Variants in PATJ observed in about 807,000 individuals in gnomAD.
PATJ encodes PATJ crumbs cell polarity complex component.
Under a neutral mutation model 224.9 loss-of-function variants are expected in PATJ, and 190 were observed. That is an observed-to-expected ratio of 0.84 (90% confidence interval 0.75 to 0.95). PATJ has a LOEUF of 0.95. PATJ is among the 40% of genes least tolerant of loss of function. The probability of loss-of-function intolerance (pLI) is 0.00; values close to 1 mark genes in which losing one functional copy is unlikely to be tolerated. For missense variants in PATJ, 2,121 were observed against 2,270.3 expected (o/e 0.93, Z 1.34); for synonymous variants, 769 against 820.3 (o/e 0.94, Z 1.07).
intron 27 of PATJ, among the ~76,000 whole-genome samples, chr1:61,969,744 A>T (rs1682679198): frequency 6.6e-6 from 1 of 152,058 alleles, no homozygotes; most frequent in Non-Finnish European, 1.5e-5. Flanking sequence ...CTCAGGCTGG[A>T]GTGCAGTGGT....
chr1:61,918,772 T>A (rs1204030846), intron 26 of PATJ, among the ~76,000 whole-genome samples: 1 of 152,036 alleles, frequency 6.6e-6, no homozygotes, highest in African/African-American at 2.4e-5. Flanking sequence ...AAGACCAGCC[T>A]GGGCAACCTG....
chr1:62,038,784 T>C (rs1480763290), intron 30 of PATJ: 1 of 530,290 alleles, frequency 1.9e-6, no homozygotes, highest in Admixed American at 2.7e-5. Context: ...CAATACACAT[T>C]ATTTTTATTC....
At position 61,912,684 on chromosome 1, in the gene PATJ, GAGGGGAGGGA is replaced by G. The variant is rs1352132119; in HGVS notation, c.3493-1900_3493-1891del. On this transcript the variant is annotated intron_variant, in intron 25 of 43. Transcript: ENST00000642238. ...AGGAAGGGAGGGAGGGAGGGGAGGG[GAGGGGAGGGA>G]AGAGGGGAGGGGAAGGTAGAGAGGA... 3.2e-5 allele frequency among the ~76,000 whole-genome samples: 4 copies of G among 125,942 alleles called. No individual in the cohort carries two copies. In the East Asian group the frequency reaches 8.6e-4, roughly 27 times the overall value. 82.6% of individuals were successfully genotyped at this position (125,942 alleles called of 152,430 possible).
rs140330633 is a variant in PATJ, at chr1:61,775,301, G to A, written c.816G>A (p.Val272=). ...GAGGAAAAACAAGTGGCGTGGTTGTGAGGACTATAGTTCCTGGAGGATTAG... is the reference window on the plus strand; with the variant it reads ...GAGGAAAAACAAGTGGCGTGGTTGTAAGGACTATAGTTCCTGGAGGATTAG... ...IVGGKTSGVV[V]RTIVPGGLAD... is the part of the protein sequence containing the mutation. Residue 272 remains valine, a synonymous_variant, in exon 7 of 44, where the codon GTG becomes GTA. Transcript: ENST00000642238. 426 of 1,613,768 alleles carry A rather than the reference G, an allele frequency of 2.6e-4. 2 individuals are homozygous for A. The highest frequency in any genetic ancestry group is 5.1e-5 in the Non-Finnish European group (60 of 1,179,894).
intron 4 of PATJ, among the ~76,000 whole-genome samples, chr1:61,768,645 A>G (rs1646430514): frequency 6.6e-6 from 1 of 151,994 alleles, no homozygotes; most frequent in South Asian, 2.1e-4. Flanking sequence ...CACGTCTGTA[A>G]TCCCAGCAAT....
intron 28 of PATJ, among the ~76,000 whole-genome samples, chr1:62,005,621 G>A (rs1282558647): frequency 2.0e-5 from 3 of 152,022 alleles, no homozygotes; most frequent in African/African-American, 7.2e-5. Flanking sequence ...AGCCAGGCGT[G>A]GTGGCACACA....
At chr1:62,054,043 C>T (rs912864255) in intron 31 of PATJ, among the ~76,000 whole-genome samples, 2 of 152,084 alleles carry the variant, frequency 1.3e-5, no homozygotes, top group Non-Finnish European at 2.9e-5. Context: ...TGGATTGAAT[C>T]ATATGAAATT....
intron 42 of PATJ, among the ~76,000 whole-genome samples, chr1:62,150,686 A>G (rs1219585191): frequency 6.9e-6 from 1 of 144,576 alleles, no homozygotes; most frequent in East Asian, 1.9e-4. Context: ...CAAGAAAAAA[A>G]AAAAAAAAAA....
chr1:61,912,556 T>C (rs2149221219), intron 25 of PATJ, among the ~76,000 whole-genome samples: 1 of 150,914 alleles, frequency 6.6e-6, no homozygotes, highest in South Asian at 2.1e-4. Flanking sequence ...TGCACTGCAG[T>C]GGCCACTGCA....
intron 33 of PATJ, among the ~76,000 whole-genome samples, chr1:62,107,882 A>G (rs1396569956): frequency 6.6e-6 from 1 of 152,208 alleles, no homozygotes; most frequent in African/African-American, 2.4e-5. Context: ...TAATTGCCCA[A>G]GATTACAAGA....
intron 31 of PATJ, among the ~76,000 whole-genome samples, chr1:62,060,611 G>A (rs1655264484): frequency 6.6e-6 from 1 of 152,096 alleles, no homozygotes; most frequent in South Asian, 2.1e-4. Flanking sequence ...CTTGATGGGT[G>A]AAAATAGGGT....
intron 29 of PATJ, among the ~76,000 whole-genome samples, chr1:62,035,429 A>G (rs901376645): frequency 1.3e-5 from 2 of 152,144 alleles, no homozygotes; most frequent in South Asian, 2.1e-4. Context: ...AAAGTAACCA[A>G]TTTAGGATTC....
chr1:61,811,008 G>T (rs1327095001), intron 14 of PATJ, among the ~76,000 whole-genome samples: 1 of 152,122 alleles, frequency 6.6e-6, no homozygotes, highest in Non-Finnish European at 1.5e-5. Flanking sequence ...GAACCAAACT[G>T]CCTGAGTTCA....
intron 31 of PATJ, among the ~76,000 whole-genome samples, chr1:62,073,963 T>A (rs895081563): frequency 6.6e-6 from 1 of 152,164 alleles, no homozygotes; most frequent in African/African-American, 2.4e-5. Context: ...TTTTATCACA[T>A]TTTTATACTT....
intron 11 of PATJ, among the ~76,000 whole-genome samples, chr1:61,798,011 G>A (rs893724150): frequency 1.3e-5 from 2 of 152,052 alleles, no homozygotes; most frequent in Non-Finnish European, 2.9e-5. Context: ...TCACCGTGTT[G>A]GTAAGGCTGG....
In PATJ at chr1:61,849,399, T is replaced by C. The variant is rs552793876; in HGVS notation, c.2113-6631T>C. On this transcript the variant is annotated intron_variant, in intron 17 of 43. Transcript: ENST00000642238. ...TCCCTTAGCCCAGAAGTTTGAGATCTGCTGAGCAACACAGGGAGACCACAT... is the reference window on the plus strand; with the variant it reads ...TCCCTTAGCCCAGAAGTTTGAGATCCGCTGAGCAACACAGGGAGACCACAT... Among the ~76,000 whole-genome samples the C allele has an allele frequency of 2.0e-5, 3 of 152,270 alleles. No homozygotes were observed. The East Asian group carries it at 5.8e-4, about 29-fold the overall frequency.
chr1:62,021,245 C>A (rs1043001854), intron 29 of PATJ, among the ~76,000 whole-genome samples: 1 of 152,144 alleles, frequency 6.6e-6, no homozygotes, highest in Non-Finnish European at 1.5e-5. Flanking sequence ...TGTATCCTCA[C>A]GTAACAGGAG....
At chr1:61,813,378 T>TATACACACAC (rs1376176032) in intron 14 of PATJ, among the ~76,000 whole-genome samples, 1 of 46,368 alleles carries the variant, frequency 2.2e-5, no homozygotes, top group African/African-American at 7.3e-5. Flanking sequence ...TATATATATA[T>TATACACACAC]ACACACACAC....
intron 1 of PATJ, among the ~76,000 whole-genome samples, chr1:61,759,310 A>G (rs1645827296): frequency 6.6e-6 from 1 of 151,950 alleles, no homozygotes; most frequent in Non-Finnish European, 1.5e-5. Context: ...AAAAGATTGG[A>G]CACCCCTGTG....
Sources: allele counts gnomAD v4.1 joint callset (sites outside exome capture counted in the v4.1 genomes callset), GRCh38; gene constraint gnomAD v4.1.1; transcripts MANE v1.5; gene names NCBI Gene and HGNC (gene_info 2026-07-23, HGNC 2026-07-21).